ITPR2: variants seen among roughly 807,000 people sequenced by gnomAD.
ITPR2 encodes inositol 1,4,5-trisphosphate-gated calcium channel ITPR2.
In ITPR2, 207 loss-of-function variants were observed where a neutral mutation model predicts 317.1. The ratio of observed to expected loss-of-function variants is 0.65; its 90% CI spans 0.58 to 0.73. ITPR2 has a LOEUF of 0.73. Among genes scored for constraint, ITPR2 ranks in the 30% least tolerant of loss-of-function variants. The pLI, the probability that ITPR2 is intolerant of heterozygous loss-of-function variation, is 0.00. For synonymous variants in ITPR2, 1,156 were observed against 1,149.1 expected, an observed-to-expected ratio of 1.01 and a Z score of -0.12; for missense variants, 2,613 against 3,284.0, an observed-to-expected ratio of 0.80 and a Z score of 4.99.
chr12:26,385,824 C>T (rs1161638718), intron 55 of ITPR2, among the ~76,000 whole-genome samples: 2 of 151,958 alleles, frequency 1.3e-5, no homozygotes, highest in Non-Finnish European at 2.9e-5. Flanking sequence ...TTCCTTTCAC[C>T]TGCTCTCATT....
At chr12:26,412,472 G>A (rs1294953011) in intron 51 of ITPR2, among the ~76,000 whole-genome samples, 7 of 152,180 alleles carry the variant, frequency 4.6e-5, no homozygotes, top group Admixed American at 4.6e-4. Context: ...AGAAGAGTGT[G>A]CCCTGTGGCC....
chr12:26,703,628 T>C (rs1056632327), intron 9 of ITPR2, among the ~76,000 whole-genome samples: 2 of 152,248 alleles, frequency 1.3e-5, no homozygotes, highest in Non-Finnish European at 2.9e-5. Context: ...TTACCCTCAG[T>C]TGAAAGCATT....
intron 54 of ITPR2, among the ~76,000 whole-genome samples, chr12:26,394,970 G>C (rs1939950903): frequency 6.6e-6 from 1 of 152,134 alleles, no homozygotes; most frequent in South Asian, 2.1e-4. Context: ...TCAGGAAAAA[G>C]AGCTAGGCTA....
intron 26 of ITPR2, among the ~76,000 whole-genome samples, chr12:26,611,977 T>C (rs1235747583): frequency 6.6e-6 from 1 of 152,196 alleles, no homozygotes; most frequent in African/African-American, 2.4e-5. Context: ...ATAGGTTTAA[T>C]AAAGGGAAAC....
chr12:26,823,202 A>G (rs1950964404), intron 1 of ITPR2, among the ~76,000 whole-genome samples: 1 of 152,174 alleles, frequency 6.6e-6, no homozygotes, highest in Admixed American at 6.5e-5. Flanking sequence ...GCAGTTACTC[A>G]ATGCCAGTGT....
intron 2 of ITPR2, among the ~76,000 whole-genome samples, chr12:26,742,836 T>C (rs1225856256): frequency 1.3e-5 from 2 of 148,838 alleles, no homozygotes. Flanking sequence ...AAAGGAATGA[T>C]GTACTGATTC....
chr12:26,603,776 G>A (rs956142216), intron 26 of ITPR2, among the ~76,000 whole-genome samples: 1 of 152,158 alleles, frequency 6.6e-6, no homozygotes, highest in African/African-American at 2.4e-5. Context: ...AGGTGAAGAA[G>A]AAGTCACCTT....
At position 26,815,104 on chromosome 12, in the gene ITPR2, C is replaced by T. The variant is rs757917117; in HGVS notation, c.92+17586G>A. On this transcript the variant is annotated intron_variant, in intron 1 of 56. Coordinates refer to ENST00000381340, the MANE Select transcript of ITPR2 (RefSeq NM_002223.4). The stretch of plus-strand genomic sequence containing the variant: ...CTGTAATCCCAGCACTCTGGGAGGC[C>T]GAGACGGGTGAATCAGTTGAGGTCA... Among the ~76,000 whole-genome samples the T allele has an allele frequency of 5.9e-5, 9 of 152,220 alleles. 1 individual carries two copies. Among genetic ancestry groups the T allele is most frequent in the Admixed American group, 1.3e-4 (2 of 15,276 alleles).
At chr12:26,578,628 G>T in intron 34 of ITPR2, 85 bp downstream of exon 34, 1 of 1,203,674 alleles carries the variant, frequency 8.3e-7, no homozygotes, top group Non-Finnish European at 1.2e-6. Context: ...GTTGTAAATT[G>T]GGAAGCTGCT....
At chr12:26,790,531 G>A (rs1950323566) in intron 1 of ITPR2, among the ~76,000 whole-genome samples, 1 of 150,954 alleles carries the variant, frequency 6.6e-6, no homozygotes, top group Non-Finnish European at 1.5e-5. Context: ...CCTGCAAAAT[G>A]TTTACAGTAT....
intron 1 of ITPR2, among the ~76,000 whole-genome samples, chr12:26,829,207 G>T (rs865932172): frequency 1.3e-5 from 2 of 148,892 alleles, no homozygotes; most frequent in South Asian, 2.1e-4. Flanking sequence ...TTAATTTTTT[G>T]ATATTCCCAA....
At chr12:26,615,138 T>G (rs959643314) in intron 26 of ITPR2, among the ~76,000 whole-genome samples, 1 of 152,104 alleles carries the variant, frequency 6.6e-6, no homozygotes, top group African/African-American at 2.4e-5. Flanking sequence ...AAAAAAGATA[T>G]GAGCGCATAA....
chr12:26,728,117 A>G (rs1948964474), intron 2 of ITPR2, among the ~76,000 whole-genome samples: 1 of 152,188 alleles, frequency 6.6e-6, no homozygotes, highest in African/African-American at 2.4e-5. Flanking sequence ...CTGAACTCTT[A>G]CAGACTTTTA....
At chr12:26,726,855 T>C (rs1003744861) in intron 2 of ITPR2, among the ~76,000 whole-genome samples, 4 of 152,196 alleles carry the variant, frequency 2.6e-5, no homozygotes, top group African/African-American at 9.7e-5. Flanking sequence ...CTGTAAAATT[T>C]GTAAGGAATG....
chr12:26,564,359 CAT>C (rs1944894541), intron 34 of ITPR2, among the ~76,000 whole-genome samples: 3 of 152,278 alleles, frequency 2.0e-5, no homozygotes, highest in African/African-American at 7.2e-5. Flanking sequence ...GCTTAAGACA[CAT>C]GTACATCTCC....
intron 49 of ITPR2, among the ~76,000 whole-genome samples, chr12:26,426,280 A>G (rs933572562): frequency 2.0e-5 from 3 of 152,120 alleles, no homozygotes; most frequent in African/African-American, 4.8e-5. Context: ...TTCAATATGC[A>G]ATTTATGTTT....
In ITPR2 at chr12:26,754,080, A is replaced by T. The variant is rs150554408; in HGVS notation, c.164-28315T>A. Among the ~76,000 whole-genome samples, 483 of 152,354 alleles carry T rather than the reference A, an allele frequency of 3.2e-3. 3 individuals carry two copies. The highest frequency in any genetic ancestry group is 0.011 in the African/African-American group (441 of 41,580). ...TGGTTTAATAATAAGAGGTTAAATC[A>T]AATATTTTGTGAGAAAAGTAAAAGG... On this transcript the variant is annotated intron_variant, in intron 2 of 56. Transcript: ENST00000381340.
chr12:26,653,308 G>C (rs894692928), intron 21 of ITPR2, among the ~76,000 whole-genome samples: 8 of 141,180 alleles, frequency 5.7e-5, no homozygotes, highest in Non-Finnish European at 1.5e-5. Flanking sequence ...ACAGTGGCAC[G>C]ATGTCAGCTC....
intron 34 of ITPR2, 83 bp downstream of exon 34, chr12:26,578,630 G>A: frequency 8.1e-7 from 1 of 1,234,676 alleles, no homozygotes; most frequent in South Asian, 1.6e-5. Context: ...TGTAAATTGG[G>A]AAGCTGCTTG....
Sources: allele counts gnomAD v4.1 joint callset (sites outside exome capture counted in the v4.1 genomes callset), GRCh38; gene constraint gnomAD v4.1.1; transcripts MANE v1.5; gene names NCBI Gene and HGNC (gene_info 2026-07-23, HGNC 2026-07-21).